HIPK2: variants seen among roughly 807,000 people sequenced by gnomAD.
HIPK2 encodes the protein homeodomain-interacting protein kinase 2.
Under a neutral mutation model 113.7 loss-of-function variants are expected in HIPK2, and 27 were observed. The observed-to-expected ratio is 0.24, with a 90% CI of 0.17 to 0.33. The LOEUF (loss-of-function observed/expected upper bound fraction) is 0.33, where lower values mean the gene tolerates loss of function less well. Ranked by LOEUF, HIPK2 falls within the 10% of genes least tolerant of loss-of-function variation. HIPK2 has a pLI of 1.00. For synonymous variants in HIPK2, 631 were observed against 642.2 expected (o/e 0.98, Z 0.26); for missense variants, 1,257 against 1,588.0 (o/e 0.79, Z 3.54).
chr7:139,680,490 T>G (rs1802661889), intron 2 of HIPK2, among the ~76,000 whole-genome samples: 1 of 152,212 alleles, frequency 6.6e-6, no homozygotes, highest in Admixed American at 6.5e-5. Context: ...GGGGATGCTG[T>G]TTTATGAGGG....
intron 2 of HIPK2, among the ~76,000 whole-genome samples, chr7:139,702,822 C>T (rs1278748057): frequency 2.6e-5 from 4 of 152,178 alleles, no homozygotes; most frequent in African/African-American, 9.7e-5. Context: ...CTATTTCAGC[C>T]ATAATAGTTT....
At chr7:139,676,586 GA>G (rs1379248934) in intron 2 of HIPK2, among the ~76,000 whole-genome samples, 1 of 152,120 alleles carries the variant, frequency 6.6e-6, no homozygotes, top group African/African-American at 2.4e-5. Context: ...TAGTAGGGAA[GA>G]ACAAACAGAT....
At position 139,588,828 on chromosome 7, in the gene HIPK2, C is replaced by T. The variant is rs1260559176; in HGVS notation, c.2718-4764G>A. 2.6e-5 allele frequency among the ~76,000 whole-genome samples: 4 copies of T among 152,264 alleles called. No individual in the cohort carries two copies. In the South Asian group the frequency reaches 8.3e-4, roughly 32 times the overall value. On this transcript the variant is annotated intron_variant, in intron 12 of 14. Coordinates refer to ENST00000406875, the MANE Select transcript of HIPK2 (RefSeq NM_022740.5). ...TTGTGTAATAAGGGAACTCCTCCCA[C>T]CTCACACTGTTTCGAAGTACTCTGA...
chr7:139,609,229 T>C (rs2116750100), intron 9 of HIPK2, among the ~76,000 whole-genome samples: 1 of 152,314 alleles, frequency 6.6e-6, no homozygotes, highest in South Asian at 2.1e-4. Context: ...CAGCTCCTTT[T>C]AGGCAGTACC....
intron 2 of HIPK2, among the ~76,000 whole-genome samples, chr7:139,662,325 G>A (rs1801893232): frequency 6.6e-6 from 1 of 152,210 alleles, no homozygotes; most frequent in South Asian, 2.1e-4. Context: ...ACTGTATAAA[G>A]GTAAGGATTT....
At chr7:139,662,644 G>C (rs1397323287) in intron 2 of HIPK2, among the ~76,000 whole-genome samples, 2 of 148,900 alleles carry the variant, frequency 1.3e-5, no homozygotes, top group African/African-American at 5.0e-5. Context: ...TTTTGAGACG[G>C]AGTCTCGCTC....
chr7:139,582,448 G>A (rs1798698302), intron 13 of HIPK2, among the ~76,000 whole-genome samples: 1 of 152,268 alleles, frequency 6.6e-6, no homozygotes, highest in Non-Finnish European at 1.5e-5. Context: ...CAGGCCCACA[G>A]GAGCGCTGGC....
rs1388516961 is a variant in HIPK2 at position 139,600,465 on chromosome 7, G to A, written c.2387C>T (p.Thr796Ile). The change falls in exon 11 of 15, where the codon ACC (threonine) becomes ATC (isoleucine). Residue 796 changes from threonine (T) to isoleucine (I), a missense_variant. By Grantham distance (89) the Thr-to-Ile change is moderately conservative. Around this residue, in one of 5 missense-constraint regions of HIPK2, gnomAD observed 862 missense variants for 1,004.3 expected, o/e 0.86. Transcript: ENST00000406875. ...ACTCTTCCGGGAGGAGGTGGTGCTG[G>A]TTGGCTGCTGCCGCATCACGTGGGC... The part of the protein sequence containing the change: ...GVAHVMRQQP[T>I]STTSSRKSKQ... The A allele has an allele frequency of 3.1e-6, 5 of 1,613,916 alleles. No homozygotes were observed. The highest frequency in any genetic ancestry group is 1.7e-5 in the Admixed American group (1 of 60,028).
At chr7:139,719,936 A>G (rs1190018281) in intron 1 of HIPK2, among the ~76,000 whole-genome samples, 1 of 152,012 alleles carries the variant, frequency 6.6e-6, no homozygotes, top group Non-Finnish European at 1.5e-5. Flanking sequence ...TTCCTAAAAC[A>G]TCTCTGAGCA....
intron 1 of HIPK2, among the ~76,000 whole-genome samples, chr7:139,727,935 A>ATTTTTTTTTTTTTTTTTTTTTTTTTTT (rs10524758): frequency 8.6e-6 from 1 of 116,664 alleles, no homozygotes; most frequent in Non-Finnish European, 1.7e-5. Flanking sequence ...GCATTGGCTA[A>ATTTTTTTTTTTTTTTTTTTTTTTTTTT]TTTTTTTTTT....
intron 2 of HIPK2, among the ~76,000 whole-genome samples, chr7:139,674,758 G>A (rs1802437334): frequency 6.6e-6 from 1 of 152,172 alleles, no homozygotes; most frequent in Non-Finnish European, 1.5e-5. Context: ...TCTTGGTTTA[G>A]GTCATTAATG....
intron 14 of HIPK2, among the ~76,000 whole-genome samples, chr7:139,574,155 T>C (rs1173008566): frequency 1.3e-5 from 2 of 152,156 alleles, no homozygotes; most frequent in African/African-American, 4.8e-5. Context: ...GCAGTTGCTT[T>C]CTTACTCACT....
rs201973800 is a variant in HIPK2 at position 139,596,782 on chromosome 7, C to G, written c.2652G>C (p.Thr884=). The change falls in exon 12 of 15, where the codon ACG becomes ACC. Residue 884 remains threonine, a synonymous_variant. Transcript: ENST00000406875. ...CACTGCTGATGGTGATGACGCTGAC[C>G]GTGGGGCTGGGAGTGTCGGGAATGA... The part of the protein sequence containing the change: ...TIVIPDTPSP[T]VSVITISSDT... The G allele has an allele frequency of 1.2e-6, 2 of 1,613,808 alleles. No homozygotes were observed. The highest frequency in any genetic ancestry group is 1.1e-5 in the South Asian group (1 of 91,088).
intron 1 of HIPK2, among the ~76,000 whole-genome samples, chr7:139,771,642 C>A (rs1425505857): frequency 6.6e-6 from 1 of 152,094 alleles, no homozygotes; most frequent in African/African-American, 2.4e-5. Context: ...CAGGGGTTCA[C>A]GATGATGCAA....
At chr7:139,603,151 G>T (rs1478050788) in intron 10 of HIPK2, among the ~76,000 whole-genome samples, 17 of 152,204 alleles carry the variant, frequency 1.1e-4, no homozygotes, top group African/African-American at 3.9e-4. Context: ...TTCTCGGAGA[G>T]ATCTTAATTC....
chr7:139,572,914 T>TCCCCCCCCC lies in HIPK2; in HGVS notation c.*12_*13insGGGGGGGGG. The TCCCCCCCCC allele has an allele frequency of 5.4e-6, 1 of 183,570 alleles. No homozygotes were observed. The highest frequency in any genetic ancestry group is 1.0e-5 in the Non-Finnish European group (1 of 96,040). 11.4% of individuals were successfully genotyped at this position (183,570 alleles called of 1,614,324 possible). ...TTCTCTCCCTCCCTCCCTCCCTCCC[T>TCCCCCCCCC]CCCCTCCAGTGTTTATATGTAAGGG... On this transcript the variant is annotated 3_prime_UTR_variant, in exon 15 of 15. Coordinates refer to ENST00000406875, the MANE Select transcript of HIPK2 (RefSeq NM_022740.5).
At chr7:139,711,662 G>A (rs1795072643) in intron 2 of HIPK2, among the ~76,000 whole-genome samples, 2 of 151,794 alleles carry the variant, frequency 1.3e-5, no homozygotes, top group African/African-American at 4.8e-5. Flanking sequence ...TTCTGAGAGT[G>A]GAGTTTAACA....
intron 2 of HIPK2, among the ~76,000 whole-genome samples, chr7:139,698,152 A>G (rs918664141): frequency 1.4e-4 from 21 of 152,218 alleles, no homozygotes; most frequent in Admixed American, 1.2e-3. Context: ...GGCATGAGCT[A>G]CTGCACCTAG....
At chr7:139,708,858 T>A (rs545175696) in intron 2 of HIPK2, among the ~76,000 whole-genome samples, 1 of 152,178 alleles carries the variant, frequency 6.6e-6, no homozygotes, top group Non-Finnish European at 1.5e-5. Context: ...CACCTGTGCC[T>A]GCATGTCACA....
Sources: allele counts gnomAD v4.1 joint callset (sites outside exome capture counted in the v4.1 genomes callset), GRCh38; gene constraint gnomAD v4.1.1; regional missense constraint gnomAD v4.1.1; transcripts MANE v1.5; gene names NCBI Gene and HGNC (gene_info 2026-07-23, HGNC 2026-07-21).